CCDC85A: variants seen among roughly 807,000 people sequenced by gnomAD.
CCDC85A encodes coiled-coil domain-containing protein 85A.
In CCDC85A, 38 loss-of-function variants were observed where a neutral mutation model predicts 50.2. That is an observed-to-expected ratio of 0.76 (90% confidence interval 0.58 to 0.99). The LOEUF is 0.99. Among genes scored for constraint, CCDC85A ranks in the 50% least tolerant of loss-of-function variants. The probability of loss-of-function intolerance (pLI) is 0.00; values close to 1 mark genes in which losing one functional copy is unlikely to be tolerated. For missense variants in CCDC85A, 820 were observed against 742.0 expected (o/e 1.11, Z -1.22); for synonymous variants, 366 against 301.4 (o/e 1.21, Z -2.22).
At chr2:56,359,310 G>A (rs1233082305) in intron 3 of CCDC85A, among the ~76,000 whole-genome samples, 3 of 152,086 alleles carry the variant, frequency 2.0e-5, no homozygotes, top group Non-Finnish European at 4.4e-5. Flanking sequence ...AGAACTTTTT[G>A]GAGACCAGGA....
At position 56,321,116 on chromosome 2, in the gene CCDC85A, A is replaced by C. The variant is rs189781797; in HGVS notation, c.1241-21763A>C. Among the ~76,000 whole-genome samples the C allele has an allele frequency of 2.0e-3, 308 of 152,288 alleles. 1 individual carries two copies. The highest frequency in any genetic ancestry group is 7.0e-3 in the African/African-American group (292 of 41,552). On this transcript the variant is annotated intron_variant, in intron 2 of 5. Transcript: ENST00000407595. ...CCCTTCATGCTAAAACCTCTCAATAAATTAGGTATTGATGGGATGTATCTC... is the reference window on the plus strand; with the variant it reads ...CCCTTCATGCTAAAACCTCTCAATACATTAGGTATTGATGGGATGTATCTC...
intron 2 of CCDC85A, among the ~76,000 whole-genome samples, chr2:56,246,661 G>GA (rs1669525134): frequency 6.6e-6 from 1 of 152,118 alleles, no homozygotes; most frequent in Non-Finnish European, 1.5e-5. Flanking sequence ...CACTGTTTTT[G>GA]AAAATCATAT....
At chr2:56,318,541 T>A (rs2058871) in intron 2 of CCDC85A, among the ~76,000 whole-genome samples, 50,779 of 151,950 alleles carry the variant, frequency 0.33, 9,400 homozygotes, top group East Asian at 0.53. Flanking sequence ...TATTATTACC[T>A]GTTTATTTAT....
At chr2:56,366,147 T>C (rs1487485769) in intron 3 of CCDC85A, among the ~76,000 whole-genome samples, 1 of 152,196 alleles carries the variant, frequency 6.6e-6, no homozygotes, top group Non-Finnish European at 1.5e-5. Context: ...ACATTTTCTT[T>C]ATTCATCCAT....
rs115290830 is a variant in CCDC85A, at chr2:56,298,155, C to T, written c.1241-44724C>T. The stretch of plus-strand genomic sequence containing the variant: ...TGCACTGGCTGAATGGCAGTTTGTG[C>T]CAAGGAGGTTTTTTCAGGTCATTTG... On this transcript the variant is annotated intron_variant, in intron 2 of 5. Coordinates refer to ENST00000407595, the MANE Select transcript of CCDC85A (RefSeq NM_001080433.2). Among the ~76,000 whole-genome samples the T allele has an allele frequency of 4.5e-3, 686 of 152,164 alleles. 6 individuals are homozygous for T. Among genetic ancestry groups the T allele is most frequent in the African/African-American group, 0.015 (623 of 41,512 alleles).
intron 2 of CCDC85A, among the ~76,000 whole-genome samples, chr2:56,317,111 AGAT>A (rs1356179859): frequency 6.6e-6 from 1 of 152,078 alleles, no homozygotes; most frequent in African/African-American, 2.4e-5. Context: ...GCAAAGTGGA[AGAT>A]TTTTCTTATC....
At chr2:56,326,386 A>C (rs539422332) in intron 2 of CCDC85A, among the ~76,000 whole-genome samples, 27 of 152,292 alleles carry the variant, frequency 1.8e-4, no homozygotes, top group African/African-American at 6.3e-4. Flanking sequence ...ATTTTGTGTC[A>C]TCTGATTTGC....
intron 2 of CCDC85A, among the ~76,000 whole-genome samples, chr2:56,242,784 C>A (rs1361399950): frequency 6.6e-6 from 1 of 152,052 alleles, no homozygotes; most frequent in Non-Finnish European, 1.5e-5. Context: ...TCTGATTTGT[C>A]CATTTTTGCT....
intron 2 of CCDC85A, among the ~76,000 whole-genome samples, chr2:56,314,355 G>GT (rs761212015): frequency 3.2e-4 from 49 of 151,158 alleles, no homozygotes; most frequent in African/African-American, 9.2e-4. Context: ...TCTTTAGGAA[G>GT]TTTTTTTTTC....
intron 2 of CCDC85A, among the ~76,000 whole-genome samples, chr2:56,232,633 C>G (rs1369051854): frequency 6.6e-6 from 1 of 152,178 alleles, no homozygotes; most frequent in African/African-American, 2.4e-5. Context: ...CCTGAGGCCT[C>G]TAGCCACACA....
chr2:56,195,076 T>C (rs1676472402), intron 2 of CCDC85A, among the ~76,000 whole-genome samples: 1 of 152,214 alleles, frequency 6.6e-6, no homozygotes, highest in Non-Finnish European at 1.5e-5. Context: ...GAGAAGTAAA[T>C]ATGTGCACCA....
chr2:56,288,242 C>T (rs867112338), intron 2 of CCDC85A, among the ~76,000 whole-genome samples: 15 of 151,546 alleles, frequency 9.9e-5, no homozygotes, highest in Non-Finnish European at 7.4e-5. Flanking sequence ...TTCATCATGA[C>T]TCACAAAGCT....
chr2:56,261,988 T>C (rs1670237852), intron 2 of CCDC85A, among the ~76,000 whole-genome samples: 1 of 152,236 alleles, frequency 6.6e-6, no homozygotes, highest in Non-Finnish European at 1.5e-5. Flanking sequence ...ATGAAAGGCA[T>C]GATTCATTCA....
In CCDC85A at chr2:56,184,173, G is replaced by A. The variant is rs1675886202; in HGVS notation, c.-452G>A. The A allele has an allele frequency of 2.0e-6, 2 of 987,028 alleles. No homozygotes were observed. Among genetic ancestry groups the A allele is most frequent in the Non-Finnish European group, 2.4e-6 (2 of 831,316 alleles). 61.1% of individuals were successfully genotyped at this position (987,028 alleles called of 1,614,324 possible). A position where few individuals can be genotyped will look rare whatever the true frequency, so the allele number is the denominator to read the frequency against. ...CAAGCTAGGAGAGGGGAGAAGCCGG[G>A]GGCTGCAGCTGGGCAAGGGGGAGGA... On this transcript the variant is annotated 5_prime_UTR_variant, in exon 1 of 6. Coordinates refer to ENST00000407595, the MANE Select transcript of CCDC85A (RefSeq NM_001080433.2).
Position 56,290,595 on chromosome 2 carries a change from A to C in CCDC85A, c.1241-52284A>C, listed in dbSNP as rs572470637. ...TAACTATCTAGAAGACAGGCAGAAG[A>C]AGCAAATAGTGTAGATAATTCTGAA... is the stretch of plus-strand genomic sequence containing the variant. On this transcript the variant is annotated intron_variant, in intron 2 of 5. Transcript: ENST00000407595. 5.9e-5 allele frequency among the ~76,000 whole-genome samples: 9 copies of C among 152,346 alleles called. No homozygotes were observed. The East Asian group carries it at 1.2e-3, about 20-fold the overall frequency.
At chr2:56,188,472 C>T (rs1310423660) in intron 1 of CCDC85A, among the ~76,000 whole-genome samples, 1 of 152,122 alleles carries the variant, frequency 6.6e-6, no homozygotes, top group Non-Finnish European at 1.5e-5. Context: ...GTTTACTTTC[C>T]AGCTCTAGAG....
At chr2:56,303,565 A>T (rs1030579275) in intron 2 of CCDC85A, among the ~76,000 whole-genome samples, 2 of 152,104 alleles carry the variant, frequency 1.3e-5, no homozygotes, top group Non-Finnish European at 2.9e-5. Context: ...CAGGAAAGGG[A>T]TTCTAAGGAT....
intron 2 of CCDC85A, among the ~76,000 whole-genome samples, chr2:56,223,472 A>C (rs930347357): frequency 2.0e-5 from 3 of 152,182 alleles, no homozygotes; most frequent in Admixed American, 2.0e-4. Flanking sequence ...GCTCTACAAA[A>C]TGGAGTCCTG....
At chr2:56,190,809 C>T (rs1417351310) in intron 1 of CCDC85A, among the ~76,000 whole-genome samples, 1 of 152,178 alleles carries the variant, frequency 6.6e-6, no homozygotes, top group African/African-American at 2.4e-5. Context: ...GCAGCTTCCA[C>T]TTTATCCTGA....
Sources: gnomAD v4.1 joint callset for allele counts (sites outside exome capture counted in the v4.1 genomes callset) on GRCh38, gnomAD v4.1.1 for gene constraint, MANE v1.5 for transcripts, NCBI Gene and HGNC (gene_info 2026-07-23, HGNC 2026-07-21) for gene names.